The following TBK1 variants were observed in gnomAD, a reference collection of about 807,000 sequenced individuals.
TBK1 encodes the protein TANK binding kinase 1.
TBK1 carries 37 observed loss-of-function variants against 99.9 expected under a neutral mutation model. The observed-to-expected ratio is 0.37, with a 90% confidence interval of 0.28 to 0.49. TBK1 has a LOEUF of 0.49. Ranked by LOEUF, TBK1 falls within the 20% of genes least tolerant of loss-of-function variation. The pLI is 0.98. For synonymous variants in TBK1, 258 were observed against 279.8 expected, an observed-to-expected ratio of 0.92 and a Z score of 0.78; for missense variants, 644 against 872.5, an observed-to-expected ratio of 0.74 and a Z score of 3.30.
At chr12:64,482,706 A>G (rs1429871176) in intron 8 of TBK1, among the ~76,000 whole-genome samples, 1 of 152,220 alleles carries the variant, frequency 6.6e-6, no homozygotes, top group Non-Finnish European at 1.5e-5. Context: ...AGCTGCCTGC[A>G]GTATTAAGTA....
chr12:64,464,551 C>A, intron 4 of TBK1, 88 bp downstream of exon 4: 1 of 1,043,746 alleles, frequency 9.6e-7, no homozygotes, highest in Admixed American at 3.0e-5. Context: ...AAACTGAAGA[C>A]CTTTATGCAA....
In TBK1 at chr12:64,452,365, G is replaced by A. The variant is rs1203484773; in HGVS notation, c.-32+178G>A. The A allele has an allele frequency of 2.0e-5, 3 of 152,290 alleles. No individual in the cohort carries two copies. In the South Asian group the frequency reaches 6.2e-4, roughly 32 times the overall value. The allele number at this position is 152,290 out of a possible 1,614,324, so 9.4% of individuals were successfully genotyped here. On this transcript the variant is annotated intron_variant, in intron 1 of 20. Transcript: ENST00000331710. The stretch of plus-strand genomic sequence containing the variant: ...GGACGACCCGAGGCCAAGCCATCCA[G>A]GACCCCGGCTGCGTGGACACTGCCT...
In TBK1 at chr12:64,497,681, G is replaced by A; in HGVS notation, c.1993G>A (p.Ala665Thr). 1 of 1,586,392 alleles carries A rather than the reference G, an allele frequency of 6.3e-7. No homozygotes were observed. Among genetic ancestry groups the A allele is most frequent in the Non-Finnish European group, 8.6e-7 (1 of 1,169,196 alleles). The change falls in exon 19 of 21, where the codon GCT becomes ACT. Residue 665 changes from alanine to threonine, a missense_variant. Physicochemically the swap from Ala to Thr is moderately conservative, Grantham distance 58. Transcript: ENST00000331710. ...QETLPQKMFT[A>T]SSGIKHTMTP... ...AACTCTGCCTCAGAAAATGTTTACAGCTTCCAGTGGAATCAAACATACCAT... is the reference window on the plus strand; with the variant it reads ...AACTCTGCCTCAGAAAATGTTTACAACTTCCAGTGGAATCAAACATACCAT...
chr12:64,499,758 C>G (rs1476701155), intron 20 of TBK1, among the ~76,000 whole-genome samples: 1 of 124,080 alleles, frequency 8.1e-6, no homozygotes, highest in Non-Finnish European at 1.6e-5. Flanking sequence ...AGTGCAGTGG[C>G]GCGATCTTGG....
chr12:64,485,838 T>C (rs1447606835), intron 10 of TBK1, 88 bp from the exon 11 acceptor site: 10 of 893,530 alleles, frequency 1.1e-5, no homozygotes, highest in Non-Finnish European at 1.5e-5. Context: ...CTGATAAAAA[T>C]GTGTAAGCTT....
chr12:64,491,128 G>A (rs11175414), intron 13 of TBK1, among the ~76,000 whole-genome samples: 2,499 of 152,034 alleles, frequency 0.016, 28 homozygotes, highest in Non-Finnish European at 0.024. Flanking sequence ...ATAGAAGTGC[G>A]CAGGTTTATA....
intron 2 of TBK1, among the ~76,000 whole-genome samples, chr12:64,459,069 A>G (rs1219590837): frequency 2.0e-5 from 3 of 152,180 alleles, no homozygotes; most frequent in Non-Finnish European, 4.4e-5. Context: ...GATGGCTCTA[A>G]GTGGTGAATC....
In TBK1 at chr12:64,484,328, T is replaced by C; in HGVS notation, c.1018T>C (p.Tyr340His). The C allele has an allele frequency of 2.5e-6, 4 of 1,613,152 alleles. No homozygotes were observed. The highest frequency in any genetic ancestry group is 3.4e-6 in the Non-Finnish European group (4 of 1,179,454). Residue 340 changes from tyrosine to histidine, a missense_variant, in exon 9 of 21, where the codon TAT becomes CAT. Coordinates refer to ENST00000331710, the MANE Select transcript of TBK1 (RefSeq NM_013254.4). Reference sequence around the variant, plus strand: ...TGCTACTATATTTCATGAACTGGTATATAAACAAACCAAAATTATTTCTTC... The same window carrying C: ...TGCTACTATATTTCATGAACTGGTACATAAACAAACCAAAATTATTTCTTC... ...NTATIFHELV[Y>H]KQTKIISSNQ...
At chr12:64,498,340 A>G (rs920680296) in intron 20 of TBK1, among the ~76,000 whole-genome samples, 6 of 152,246 alleles carry the variant, frequency 3.9e-5, no homozygotes, top group Non-Finnish European at 5.9e-5. Flanking sequence ...GGTGAATCAG[A>G]GTTGCTTTTT....
At chr12:64,480,253 G>A in intron 7 of TBK1, 131 bp downstream of exon 7, 1 of 567,158 alleles carries the variant, frequency 1.8e-6, no homozygotes, top group Admixed American at 3.7e-5. Context: ...CAAAGCATGT[G>A]CTTTGATAAA....
At chr12:64,495,392 G>A (rs1165433716) in intron 13 of TBK1, 91 bp from the exon 14 acceptor site, 27 of 1,470,582 alleles carry the variant, frequency 1.8e-5, no homozygotes, top group Non-Finnish European at 2.4e-5. Context: ...ATCTACAAAA[G>A]AAATGTGGTC....
Position 64,496,497 on chromosome 12 carries a change from C to T in TBK1, c.1760+91C>T, listed in dbSNP as rs564652658. 6.4e-5 allele frequency: 39 copies of T among 606,630 alleles called. No homozygotes were observed. In the African/African-American group the frequency reaches 7.2e-4, roughly 11 times the overall value. 37.6% of individuals were successfully genotyped at this position (606,630 alleles called of 1,614,324 possible). A position where few individuals can be genotyped will look rare whatever the true frequency, so the allele number is the denominator to read the frequency against. On this transcript the variant is annotated intron_variant, in intron 16 of 20. Transcript: ENST00000331710. ...TTCTTCTTAAAGTTGAAATTAATTA[C>T]AATTTAAAAATACATTTTAATCTTG...
intron 8 of TBK1, among the ~76,000 whole-genome samples, chr12:64,483,140 TA>T (rs908976552): frequency 6.6e-6 from 1 of 152,196 alleles, no homozygotes; most frequent in Non-Finnish European, 1.5e-5. Context: ...TTAAAATAGC[TA>T]AAAAAATATA....
At chr12:64,475,325 G>A (rs1037780399) in intron 6 of TBK1, among the ~76,000 whole-genome samples, 4 of 151,890 alleles carry the variant, frequency 2.6e-5, no homozygotes, top group Non-Finnish European at 5.9e-5. Context: ...AGTTAAAAGG[G>A]TATGTTGTGT....
intron 19 of TBK1, 60 bp downstream of exon 19, chr12:64,497,814 C>A: frequency 6.9e-7 from 1 of 1,458,988 alleles, no homozygotes; most frequent in Non-Finnish European, 9.5e-7. Context: ...GCAGTTTGTG[C>A]TTTTGCTCTT....
rs117159203 is a variant in TBK1, at chr12:64,472,043, G to A, written c.541-2187G>A. Among the ~76,000 whole-genome samples, 864 of 151,838 alleles carry A rather than the reference G, an allele frequency of 5.7e-3. 3 individuals are homozygous for A. Among genetic ancestry groups the A allele is most frequent in the Non-Finnish European group, 9.0e-3 (609 of 67,988 alleles). ...ACCATTTACACACTAAGTACCAGCTGCTAGGTCAAAGGTTTGGCAATCACT... is the reference window on the plus strand; with the variant it reads ...ACCATTTACACACTAAGTACCAGCTACTAGGTCAAAGGTTTGGCAATCACT... On this transcript the variant is annotated intron_variant, in intron 5 of 20. Transcript: ENST00000331710.
In TBK1 at chr12:64,474,149, A is replaced by G; in HGVS notation, c.541-81A>G. ...ATTAGGAAAACAAAATAGAATTTCT[A>G]AGCATTATTGAGTATCCATTTGTTT... is the stretch of plus-strand genomic sequence containing the variant. On this transcript the variant is annotated intron_variant, in intron 5 of 20. Transcript: ENST00000331710. 4 of 1,271,652 alleles carry G rather than the reference A, an allele frequency of 3.1e-6. No homozygotes were observed. The South Asian group carries it at 6.7e-5, about 21-fold the overall frequency. The allele number at this position is 1,271,652 out of a possible 1,614,324, so 78.8% of individuals were successfully genotyped here.
Position 64,486,015 on chromosome 12 carries a change from G to T in TBK1, c.1338G>T (p.Leu446=), listed in dbSNP as rs759817271. Residue 446 remains leucine, a splice_region_variant and synonymous_variant, in exon 11 of 21, where the codon CTG becomes CTT. Coordinates refer to ENST00000331710, the MANE Select transcript of TBK1 (RefSeq NM_013254.4). ...QELMRKGIRW[L]IELIKDDYNE... ...TAATGCGAAAGGGGATACGATGGCT[G>T]ATGTAAGTAATAGATTGAAATTTTG... The T allele has an allele frequency of 3.2e-6, 5 of 1,577,858 alleles. No individual in the cohort carries two copies. Among genetic ancestry groups the T allele is most frequent in the Non-Finnish European group, 4.3e-6 (5 of 1,164,300 alleles).
At chr12:64,476,426 A>G (rs1344890166) in intron 6 of TBK1, among the ~76,000 whole-genome samples, 1 of 151,872 alleles carries the variant, frequency 6.6e-6, no homozygotes, top group Non-Finnish European at 1.5e-5. Context: ...CCAGAGTGCT[A>G]GGATCACAAG....
Sources: allele counts gnomAD v4.1 joint callset (sites outside exome capture counted in the v4.1 genomes callset), GRCh38; gene constraint gnomAD v4.1.1; transcripts MANE v1.5; gene names NCBI Gene and HGNC (gene_info 2026-07-23, HGNC 2026-07-21).